LMNTD1: variants seen among roughly 807,000 people sequenced by gnomAD.
The protein encoded by LMNTD1 is lamin tail domain-containing protein 1.
Under a neutral mutation model 50.9 loss-of-function variants are expected in LMNTD1, and 35 were observed. That is an observed-to-expected ratio of 0.69 (90% CI 0.53 to 0.91). LMNTD1 has a LOEUF of 0.91. LMNTD1 is among the 40% of genes least tolerant of loss of function. The pLI is 0.00. For missense variants in LMNTD1, 470 were observed against 475.5 expected, an observed-to-expected ratio of 0.99 and a Z score of 0.11; for synonymous variants, 153 against 161.9, an observed-to-expected ratio of 0.94 and a Z score of 0.42.
intron 9 of LMNTD1, among the ~76,000 whole-genome samples, chr12:25,487,339 T>G (rs1456462911): frequency 1.5e-5 from 2 of 136,858 alleles, no homozygotes; most frequent in Non-Finnish European, 3.1e-5. Flanking sequence ...GCATATATAT[T>G]TAGGATAGTT....
intron 8 of LMNTD1, among the ~76,000 whole-genome samples, chr12:25,506,220 T>A (rs1269080056): frequency 3.9e-5 from 6 of 152,230 alleles, no homozygotes; most frequent in Admixed American, 1.3e-4. Context: ...ATGTTCTGCT[T>A]TTATTTATTT....
intron 1 of LMNTD1, among the ~76,000 whole-genome samples, chr12:25,635,922 G>T (rs1489305479): frequency 2.0e-5 from 3 of 152,174 alleles, no homozygotes; most frequent in African/African-American, 7.2e-5. Flanking sequence ...GGGATAATTG[G>T]CTAGCCACAT....
At chr12:25,617,764 T>TA (rs996818405) in intron 1 of LMNTD1, among the ~76,000 whole-genome samples, 1 of 152,236 alleles carries the variant, frequency 6.6e-6, no homozygotes, top group African/African-American at 2.4e-5. Flanking sequence ...TGCCACGTGA[T>TA]ACACAGGTAA....
At chr12:25,566,449 C>A (rs141300740) in intron 1 of LMNTD1, among the ~76,000 whole-genome samples, 56 of 152,192 alleles carry the variant, frequency 3.7e-4, no homozygotes, top group Non-Finnish European at 7.6e-4. Context: ...GTTTGTATAA[C>A]GACTTCTTTT....
intron 2 of LMNTD1, 76 bp from the exon 3 acceptor site, chr12:25,549,622 T>A: frequency 2.7e-6 from 2 of 742,996 alleles, no homozygotes; most frequent in Non-Finnish European, 4.1e-6. Context: ...GCATGGGCTA[T>A]TATTATTACC....
chr12:25,526,009 G>T, intron 6 of LMNTD1, 90 bp downstream of exon 6: 2 of 1,057,594 alleles, frequency 1.9e-6, no homozygotes, highest in Non-Finnish European at 2.5e-6. Flanking sequence ...TAGACACATT[G>T]TATAAAATAA....
At chr12:25,572,667 A>G (rs1944843787) in intron 1 of LMNTD1, among the ~76,000 whole-genome samples, 1 of 152,150 alleles carries the variant, frequency 6.6e-6, no homozygotes, top group South Asian at 2.1e-4. Flanking sequence ...CAGTAAGACA[A>G]TGGAAAATTA....
At chr12:25,648,563 A>G, upstream of LMNTD1, 1 of 1,551,022 alleles carries the variant, frequency 6.4e-7, no homozygotes. Flanking sequence ...TAGTGTCCTT[A>G]AGCTTCTTCT....
intron 1 of LMNTD1, among the ~76,000 whole-genome samples, chr12:25,571,999 G>A (rs1468182821): frequency 1.3e-5 from 2 of 152,176 alleles, no homozygotes; most frequent in Non-Finnish European, 2.9e-5. Flanking sequence ...ATAAAGGTAG[G>A]AAAGGTGGAG....
At chr12:25,614,988 A>G (rs962104267) in intron 1 of LMNTD1, among the ~76,000 whole-genome samples, 5 of 152,118 alleles carry the variant, frequency 3.3e-5, no homozygotes, top group Non-Finnish European at 7.3e-5. Flanking sequence ...GCCCAATCTA[A>G]TGACATCATT....
chr12:25,603,346 T>C (rs1345066704), intron 1 of LMNTD1, among the ~76,000 whole-genome samples: 2 of 152,054 alleles, frequency 1.3e-5, no homozygotes, highest in African/African-American at 4.8e-5. Flanking sequence ...CGGAGCACAG[T>C]CATTATTCAC....
chr12:25,537,700 G>T (rs1357619632), intron 4 of LMNTD1, among the ~76,000 whole-genome samples: 2 of 152,142 alleles, frequency 1.3e-5, no homozygotes, highest in Non-Finnish European at 2.9e-5. Context: ...CTCCTCACCA[G>T]CAACAGAACA....
At chr12:25,481,865 T>TCTCACACA (rs1555206617) in intron 9 of LMNTD1, among the ~76,000 whole-genome samples, 7 of 132,610 alleles carry the variant, frequency 5.3e-5, no homozygotes, top group Admixed American at 4.1e-4. Context: ...TATTGCCTCT[T>TCTCACACA]CACACACACA....
intron 1 of LMNTD1, among the ~76,000 whole-genome samples, chr12:25,634,230 G>A (rs371277689): frequency 7.9e-5 from 12 of 152,200 alleles, no homozygotes; most frequent in South Asian, 6.2e-4. Flanking sequence ...AGATGGATTC[G>A]CAGCAGAATT....
intron 1 of LMNTD1, among the ~76,000 whole-genome samples, chr12:25,592,089 G>A (rs75127694): frequency 0.023 from 3,457 of 152,234 alleles, 102 homozygotes; most frequent in African/African-American, 0.072. Flanking sequence ...GTACAAACAA[G>A]CCCAGAGTGA....
chr12:25,604,565 T>C (rs1052905598), intron 1 of LMNTD1, among the ~76,000 whole-genome samples: 46 of 152,088 alleles, frequency 3.0e-4, no homozygotes, highest in Admixed American at 7.9e-4. Context: ...GTTCTCATTG[T>C]TCAATTCCCA....
chr12:25,624,120 G>A (rs1168056195), intron 1 of LMNTD1, among the ~76,000 whole-genome samples: 1 of 152,172 alleles, frequency 6.6e-6, no homozygotes, highest in Admixed American at 6.5e-5. Flanking sequence ...CTCATTGACT[G>A]TTCTTATCTT....
intron 1 of LMNTD1, among the ~76,000 whole-genome samples, chr12:25,599,139 G>T (rs555961287): frequency 2.0e-5 from 3 of 152,016 alleles, no homozygotes; most frequent in South Asian, 4.1e-4. Flanking sequence ...TTTATCCCTA[G>T]GATACAAGGA....
In LMNTD1 at chr12:25,539,592, T is replaced by G. The variant is rs529509299; in HGVS notation, c.491+6782A>C. On this transcript the variant is annotated intron_variant, in intron 4 of 9. Coordinates refer to ENST00000458174, the MANE Select transcript of LMNTD1 (RefSeq NM_001145728.2). ...TCAAAGCAGTGTGTAGAGGGAAATT[T>G]ATAGCACTAAATGCCCACAAGAGAA... 3.1e-3 allele frequency among the ~76,000 whole-genome samples: 468 copies of G among 151,762 alleles called. 1 individual carries two copies. Among genetic ancestry groups the G allele is most frequent in the Non-Finnish European group, 5.0e-3 (340 of 67,904 alleles).
Sources: allele counts gnomAD v4.1 joint callset (sites outside exome capture counted in the v4.1 genomes callset), GRCh38; gene constraint gnomAD v4.1.1; transcripts MANE v1.5; gene names NCBI Gene and HGNC (gene_info 2026-07-23, HGNC 2026-07-21).